Variants in CHD8 observed in about 807,000 individuals in gnomAD.
The protein encoded by CHD8 is ATP-dependent chromatin remodeler CHD8.
Under a neutral mutation model 279.2 loss-of-function variants are expected in CHD8, and 31 were observed. The observed-to-expected ratio is 0.11, with a 90% CI of 0.08 to 0.15. CHD8 has a LOEUF of 0.15. Among genes scored for constraint, CHD8 ranks in the 10% least tolerant of loss-of-function variants. The pLI is 1.00. For missense variants in CHD8, 2,146 were observed against 3,230.5 expected (o/e 0.66, Z 8.14); for synonymous variants, 1,081 against 1,139.6 (o/e 0.95, Z 1.04).
chr14:21,437,118 G>C (rs1162196128), intron 1 of CHD8: 2 of 904,324 alleles, frequency 2.2e-6, no homozygotes, highest in African/African-American at 1.7e-5. Flanking sequence ...GGAAGCTGCA[G>C]GCCGAGAGGC....
intron 10 of CHD8, among the ~76,000 whole-genome samples, chr14:21,411,925 A>G (rs1197037141): frequency 6.6e-6 from 1 of 152,034 alleles, no homozygotes; most frequent in Non-Finnish European, 1.5e-5. Context: ...CTAGCCGGGC[A>G]TGATGGCACA....
At chr14:21,424,428 T>C (rs1889207309) in intron 5 of CHD8, among the ~76,000 whole-genome samples, 1 of 152,196 alleles carries the variant, frequency 6.6e-6, no homozygotes, top group Admixed American at 6.5e-5. Context: ...AAATTTTTTT[T>C]TGGCCTCATT....
chr14:21,427,317 A>T, intron 4 of CHD8: 2 of 527,310 alleles, frequency 3.8e-6, no homozygotes, highest in Non-Finnish European at 5.2e-6. Context: ...AGCAAGGAGC[A>T]CTCACTTGAG....
chr14:21,411,467 T>TA (rs1033032527), intron 10 of CHD8, among the ~76,000 whole-genome samples: 2 of 152,154 alleles, frequency 1.3e-5, no homozygotes, highest in South Asian at 4.1e-4. Flanking sequence ...GAGGTCCTGT[T>TA]AGAATGATGT....
intron 1 of CHD8, among the ~76,000 whole-genome samples, chr14:21,441,578 T>C (rs953248447): frequency 2.6e-5 from 4 of 152,128 alleles, no homozygotes; most frequent in Admixed American, 1.3e-4. Flanking sequence ...AGATGAATAG[T>C]TTAGCCATAT....
chr14:21,436,118 G>A (rs944165106), intron 1 of CHD8, among the ~76,000 whole-genome samples: 2 of 152,208 alleles, frequency 1.3e-5, no homozygotes, highest in African/African-American at 4.8e-5. Context: ...TCTGTAATGT[G>A]CACTTTTAGA....
chr14:21,395,438 T>C lies in CHD8; in HGVS notation c.5128-86A>G. 3 of 886,460 alleles carry C rather than the reference T, an allele frequency of 3.4e-6. No individual in the cohort carries two copies. The South Asian group carries it at 4.4e-5, about 13-fold the overall frequency. 54.9% of individuals were successfully genotyped at this position (886,460 alleles called of 1,614,324 possible). A position where few individuals can be genotyped will look rare whatever the true frequency, so the allele number is the denominator to read the frequency against. Reference sequence around the variant, plus strand: ...CTCTGAAATCACTTTCTTGTGTGTGTCCTTCTATGGCACCAAGGGATCAAG... The same window carrying C: ...CTCTGAAATCACTTTCTTGTGTGTGCCCTTCTATGGCACCAAGGGATCAAG... On this transcript the variant is annotated intron_variant, in intron 28 of 37. Transcript: ENST00000646647.
At chr14:21,453,968 A>G (rs1389900578) in intron 1 of CHD8, among the ~76,000 whole-genome samples, 1 of 151,460 alleles carries the variant, frequency 6.6e-6, no homozygotes, top group Non-Finnish European at 1.5e-5. Context: ...AGCCTAGCCA[A>G]TATGGTGAAA....
chr14:21,427,316 C>A, intron 4 of CHD8: 1 of 496,390 alleles, frequency 2.0e-6, no homozygotes, highest in Non-Finnish European at 2.8e-6. Context: ...TAGCAAGGAG[C>A]ACTCACTTGA....
rs1282208947 is a variant in CHD8, at chr14:21,392,568, G to A, written c.6710C>T (p.Ala2237Val). The change falls in exon 34 of 38, where the codon GCC (alanine) becomes GTC (valine). Residue 2237 changes from alanine to valine, a missense_variant. Physicochemically the swap from Ala to Val is moderately conservative, Grantham distance 64 (BLOSUM62 0). This residue lies in a region of CHD8 where 513 missense variants were observed against 637.6 expected (regional missense o/e 0.80). Coordinates refer to ENST00000646647, the MANE Select transcript of CHD8 (RefSeq NM_001170629.2). ...EEASAVSTAA[A>V]QFTKLRRGMD... ...GCCTCGGCGAAGTTTGGTGAACTGG[G>A]CTGCCGCTGTGCTGACTGCAGATGC... The A allele has an allele frequency of 6.2e-7, 1 of 1,613,562 alleles. No individual in the cohort carries two copies. The highest frequency in any genetic ancestry group is 8.5e-7 in the Non-Finnish European group (1 of 1,179,886).
In CHD8 at chr14:21,411,817, C is replaced by T. The variant is rs556932737; in HGVS notation, c.2226+1096G>A. On this transcript the variant is annotated intron_variant, in intron 10 of 37. Coordinates refer to ENST00000646647, the MANE Select transcript of CHD8 (RefSeq NM_001170629.2). ...GCGGCTCACGCCCGTAATCCCAGCACTTTGGGAGGCCGAGGCAGGGAGATC... is the reference window on the plus strand; with the variant it reads ...GCGGCTCACGCCCGTAATCCCAGCATTTTGGGAGGCCGAGGCAGGGAGATC... Among the ~76,000 whole-genome samples, 438 of 152,292 alleles carry T rather than the reference C, an allele frequency of 2.9e-3. 4 individuals carry two copies. Among genetic ancestry groups the T allele is most frequent in the African/African-American group, 8.2e-3 (341 of 41,594 alleles).
chr14:21,411,787 C>T (rs1054203866), intron 10 of CHD8, among the ~76,000 whole-genome samples: 5 of 152,116 alleles, frequency 3.3e-5, no homozygotes, highest in African/African-American at 1.2e-4. Flanking sequence ...AGGTGCCAGG[C>T]GTAGGCGGCT....
At position 21,402,321 on chromosome 14, in the gene CHD8, AC is replaced by A. The variant is rs1252182792; in HGVS notation, c.3882+14del. ...TGATCTACTACAAACTTATCTATAA[AC>A]TAAGAGGACTCACTCCAGTAATGTT... On this transcript the variant is annotated intron_variant, in intron 19 of 37. Coordinates refer to ENST00000646647, the MANE Select transcript of CHD8 (RefSeq NM_001170629.2). The surrounding 1 kb of genome is among the most constrained non-coding windows in gnomAD (Gnocchi z 4.5). 6.2e-7 allele frequency: 1 copy of A among 1,613,632 alleles called. No individual in the cohort carries two copies. Among genetic ancestry groups the A allele is most frequent in the Non-Finnish European group, 8.5e-7 (1 of 1,179,722 alleles).
chr14:21,395,652 G>C, intron 28 of CHD8, 165 bp downstream of exon 28: 1 of 611,878 alleles, frequency 1.6e-6, no homozygotes. Flanking sequence ...TCCCCCTACT[G>C]GCATTACAGT....
chr14:21,431,946 AT>A lies in CHD8; in HGVS notation c.-215-89del, dbSNP rs1594380768. 6 of 771,792 alleles carry A rather than the reference AT, an allele frequency of 7.8e-6. No individual in the cohort carries two copies. The East Asian group carries it at 1.5e-4, about 20-fold the overall frequency. The allele number at this position is 771,792 out of a possible 1,614,324, so 47.8% of individuals were successfully genotyped here. A position where few individuals can be genotyped will look rare whatever the true frequency, so the allele number is the denominator to read the frequency against. On this transcript the variant is annotated intron_variant, in intron 1 of 37. Coordinates refer to ENST00000646647, the MANE Select transcript of CHD8 (RefSeq NM_001170629.2). The stretch of plus-strand genomic sequence containing the variant: ...TCCCTTCTTACGTACTGTTCTTAAT[AT>A]CAAATAGCATGAATATAAGAGGGAA...
chr14:21,429,685 A>G (rs1889482369), intron 2 of CHD8: 1 of 377,612 alleles, frequency 2.6e-6, no homozygotes, highest in African/African-American at 2.1e-5. Flanking sequence ...ATTGATGTCA[A>G]ACTTAGTGCA....
At chr14:21,397,061 C>T in intron 27 of CHD8, 1 of 193,566 alleles carries the variant, frequency 5.2e-6, no homozygotes. Flanking sequence ...GTAATTCTTC[C>T]TCCTACCCAA....
At position 21,414,702 on chromosome 14, in the gene CHD8, G is replaced by C. The variant is rs1043832822; in HGVS notation, c.2024+236C>G. 1.5e-4 allele frequency: 93 copies of C among 600,154 alleles called. 1 individual carries two copies. Among genetic ancestry groups the C allele is most frequent in the Non-Finnish European group, 1.4e-4 (48 of 340,614 alleles). 37.2% of individuals were successfully genotyped at this position (600,154 alleles called of 1,614,324 possible). On this transcript the variant is annotated intron_variant, in intron 8 of 37. Transcript: ENST00000646647. ...GATCTTAGTGCTAAACTAAGGTAAA[G>C]AGAATCACATGACATTTTATCAGGA...
chr14:21,404,849 G>A (rs1888193873), intron 16 of CHD8: 1 of 192,752 alleles, frequency 5.2e-6, no homozygotes, highest in Non-Finnish European at 1.1e-5. Context: ...TACTTTATTT[G>A]GAGACAGGGT....
Sources: gnomAD v4.1 joint callset for allele counts (sites outside exome capture counted in the v4.1 genomes callset) on GRCh38, gnomAD v4.1.1 for gene constraint, gnomAD v4.1.1 regional missense constraint, Gnocchi (gnomAD v3.1) non-coding constraint, MANE v1.5 for transcripts, NCBI Gene and HGNC (gene_info 2026-07-23, HGNC 2026-07-21) for gene names.